The following RPS6KA2 variants were observed in gnomAD, a reference collection of about 807,000 sequenced individuals.
The protein encoded by RPS6KA2 is ribosomal protein S6 kinase alpha-2.
Under a neutral mutation model 91.8 loss-of-function variants are expected in RPS6KA2, and 42 were observed. That is an observed-to-expected ratio of 0.46 (90% confidence interval 0.36 to 0.59). RPS6KA2 has a LOEUF of 0.59. RPS6KA2 is among the 20% of genes least tolerant of loss of function. The probability of loss-of-function intolerance (pLI) is 0.00; values close to 1 mark genes in which losing one functional copy is unlikely to be tolerated. For synonymous variants in RPS6KA2, 414 were observed against 393.6 expected (o/e 1.05, Z -0.61); for missense variants, 798 against 978.5 (o/e 0.82, Z 2.46).
At chr6:166,499,526 T>G (rs1366536880) in intron 7 of RPS6KA2, among the ~76,000 whole-genome samples, 2 of 152,224 alleles carry the variant, frequency 1.3e-5, no homozygotes, top group African/African-American at 4.8e-5. Flanking sequence ...GTTTTTCCAG[T>G]GCTATTCTCG....
chr6:166,605,223 C>T (rs922150539), intron 1 of RPS6KA2, among the ~76,000 whole-genome samples: 2 of 152,232 alleles, frequency 1.3e-5, no homozygotes, highest in African/African-American at 4.8e-5. Context: ...TTATCAACGA[C>T]ATTCTACCCC....
intron 1 of RPS6KA2, among the ~76,000 whole-genome samples, chr6:166,580,034 G>T (rs529547531): frequency 1.3e-5 from 2 of 152,370 alleles, no homozygotes; most frequent in Admixed American, 6.5e-5. Context: ...TTAAAGGGCC[G>T]TCTTTCTATG....
Position 166,732,981 on chromosome 6 carries a change from G to C in RPS6KA2, c.123+125219C>G, listed in dbSNP as rs948273095. ...CCGGAGCGGCTGGGGTGCAGGGTGG[G>C]AGGCAGGGGTGCACACTTATGCATT... On this transcript the variant is annotated intron_variant, in intron 2 of 21. Coordinates refer to the RPS6KA2 transcript ENST00000503859. The surrounding 1 kb of genome is among the most constrained non-coding windows in gnomAD (Gnocchi z 4.0). 9.2e-5 allele frequency among the ~76,000 whole-genome samples: 14 copies of C among 152,316 alleles called. No individual in the cohort carries two copies. The highest frequency in any genetic ancestry group is 3.4e-4 in the African/African-American group (14 of 41,572).
intron 2 of RPS6KA2, among the ~76,000 whole-genome samples, chr6:166,782,950 T>C (rs932813688): frequency 2.6e-5 from 4 of 152,128 alleles, no homozygotes; most frequent in Non-Finnish European, 4.4e-5. Context: ...CACAGGCCTC[T>C]GGCCCCAGGA....
Position 166,437,233 on chromosome 6 carries a change from G to A in RPS6KA2, c.1333-4743C>T, listed in dbSNP as rs188453808. On this transcript the variant is annotated intron_variant, in intron 14 of 20. Transcript: ENST00000265678. This position sits in a 1 kb window ranked among gnomAD's most constrained non-coding sequence, Gnocchi z 4.3. ...GAGTGGGCCCCAAGTGCCTGCCAGCGCACTTCTTCTCTATGGGGTCGGTTT... is the reference window on the plus strand; with the variant it reads ...GAGTGGGCCCCAAGTGCCTGCCAGCACACTTCTTCTCTATGGGGTCGGTTT... 1.4e-4 allele frequency among the ~76,000 whole-genome samples: 21 copies of A among 152,204 alleles called. 1 individual carries two copies. The highest frequency in any genetic ancestry group is 6.8e-3 in the Middle Eastern group (2 of 294).
intron 1 of RPS6KA2, among the ~76,000 whole-genome samples, chr6:166,624,670 C>A (rs1029704586): frequency 6.6e-6 from 1 of 152,156 alleles, no homozygotes; most frequent in Non-Finnish European, 1.5e-5. Flanking sequence ...TAAACACTTG[C>A]AGAATGAATT....
intron 2 of RPS6KA2, among the ~76,000 whole-genome samples, chr6:166,855,945 T>G (rs1780888944): frequency 6.6e-6 from 1 of 152,228 alleles, no homozygotes; most frequent in South Asian, 2.1e-4. Context: ...AATAATTTCC[T>G]CCATCTGATA....
At chr6:166,630,591 G>A (rs9348156), upstream of RPS6KA2, among the ~76,000 whole-genome samples, 44,885 of 152,154 alleles carry the variant, frequency 0.29, 6,729 homozygotes, top group East Asian at 0.42. Context: ...GTGCTTTTCC[G>A]GAGTATCAGC....
chr6:166,629,573 A>T (rs1334577664), upstream of RPS6KA2, among the ~76,000 whole-genome samples: 1 of 152,242 alleles, frequency 6.6e-6, no homozygotes, highest in Non-Finnish European at 1.5e-5. Context: ...TTATGTAATG[A>T]AATCCTCCAA....
Position 166,613,502 on chromosome 6 carries a change from G to A in RPS6KA2, c.99+13419C>T, listed in dbSNP as rs762648367. On this transcript the variant is annotated intron_variant, in intron 1 of 20. Coordinates refer to ENST00000265678, the MANE Select transcript of RPS6KA2 (RefSeq NM_021135.6). ...CCCTGAGCTACTCACCCTGCTTCAC[G>A]GTCACGCCTGTTTCTAAAAGGTAGC... 3.3e-5 allele frequency among the ~76,000 whole-genome samples: 5 copies of A among 152,146 alleles called. No individual in the cohort carries two copies. In the South Asian group the frequency reaches 6.2e-4, roughly 19 times the overall value.
At chr6:166,776,213 A>G (rs140884026) in intron 2 of RPS6KA2, among the ~76,000 whole-genome samples, 1 of 152,280 alleles carries the variant, frequency 6.6e-6, no homozygotes, top group African/African-American at 2.4e-5. Flanking sequence ...ATCTCGCTAC[A>G]CCCACTAGAA....
In RPS6KA2 at chr6:166,562,269, C is replaced by T. The variant is rs115288572; in HGVS notation, c.100-23485G>A. On this transcript the variant is annotated intron_variant, in intron 1 of 20. Coordinates refer to ENST00000265678, the MANE Select transcript of RPS6KA2 (RefSeq NM_021135.6). ...AGTCTCCTGGGCCTCTGTAAAATGG[C>T]GTGATCACAGTACCTACCTCGTGGA... Among the ~76,000 whole-genome samples the T allele has an allele frequency of 4.2e-3, 643 of 152,240 alleles. 7 individuals carry two copies. Among genetic ancestry groups the T allele is most frequent in the African/African-American group, 0.015 (608 of 41,536 alleles).
chr6:166,645,469 CA>C lies in RPS6KA2; in HGVS notation c.124-106686del, dbSNP rs1421483998. ...CACTGGTACACCCTGTTCCTTCTGCCAGTCACAAACTCTCCACCTCCCCTCC... is the reference window on the plus strand; with the variant it reads ...CACTGGTACACCCTGTTCCTTCTGCCGTCACAAACTCTCCACCTCCCCTCC... On this transcript the variant is annotated intron_variant, in intron 2 of 21. Transcript: ENST00000503859. Among the ~76,000 whole-genome samples, 8 of 152,290 alleles carry C rather than the reference CA, an allele frequency of 5.3e-5. No individual in the cohort carries two copies. In the South Asian group the frequency reaches 1.7e-3, roughly 32 times the overall value.
intron 1 of RPS6KA2, among the ~76,000 whole-genome samples, chr6:166,588,755 C>T (rs566740311): frequency 2.0e-5 from 3 of 152,296 alleles, no homozygotes; most frequent in East Asian, 1.9e-4. Context: ...ACAGGGTTCC[C>T]GGAAGCTCAG....
chr6:166,618,999 C>G lies in RPS6KA2; in HGVS notation c.99+7922G>C, dbSNP rs553928854. 2.3e-4 allele frequency among the ~76,000 whole-genome samples: 34 copies of G among 150,232 alleles called. No homozygotes were observed. The South Asian group carries it at 6.4e-3, about 28-fold the overall frequency. ...AAGCCCTGTGCGTATGGGCTCCAAT[C>G]GATGCCATCAGATTCGCGCACCAGC... On this transcript the variant is annotated intron_variant, in intron 1 of 20. Transcript: ENST00000265678.
intron 2 of RPS6KA2, among the ~76,000 whole-genome samples, chr6:166,714,844 A>C (rs1789967522): frequency 6.6e-6 from 1 of 152,212 alleles, no homozygotes; most frequent in Admixed American, 6.5e-5. Context: ...CAGGACACCA[A>C]TACCAGGTCC....
At chr6:166,673,911 G>A (rs941532895) in intron 2 of RPS6KA2, among the ~76,000 whole-genome samples, 3 of 152,114 alleles carry the variant, frequency 2.0e-5, no homozygotes, top group African/African-American at 4.8e-5. Flanking sequence ...CTACTGTGCC[G>A]TTCTAAAGAG....
At chr6:166,450,297 GGGGACCACCATA>G (rs1338080288) in intron 13 of RPS6KA2, among the ~76,000 whole-genome samples, 1 of 144,588 alleles carries the variant, frequency 6.9e-6, no homozygotes, top group African/African-American at 2.6e-5. Context: ...GAACCACCAC[GGGGACCACCATA>G]GGGACCACCA....
Position 166,858,227 on chromosome 6 carries a change from CT to C in RPS6KA2, c.95del (p.Glu32GlyfsTer15). 4 of 1,547,426 alleles carry C rather than the reference CT, an allele frequency of 2.6e-6. No individual in the cohort carries two copies. Among genetic ancestry groups the C allele is most frequent in the Non-Finnish European group, 3.6e-6 (4 of 1,119,680 alleles). On this transcript the variant is annotated frameshift_variant, in exon 2 of 22. Coordinates refer to the RPS6KA2 transcript ENST00000503859. LOFTEE classifies it high-confidence loss of function. The stretch of plus-strand genomic sequence containing the variant: ...CTTCTGCAGTGTCTTCTGTGGTGGG[CT>C]CCACATCCAGGTTGAGATCCTCCTC...
Sources: allele counts gnomAD v4.1 joint callset (sites outside exome capture counted in the v4.1 genomes callset), GRCh38; gene constraint gnomAD v4.1.1; non-coding constraint Gnocchi (gnomAD v3.1); transcripts MANE v1.5; gene names NCBI Gene and HGNC (gene_info 2026-07-23, HGNC 2026-07-21).